CPLX3: variants seen among roughly 807,000 people sequenced by gnomAD.
CPLX3 encodes complexin 3, also known as complexin-3.
In CPLX3, 12 loss-of-function variants were observed where a neutral mutation model predicts 17.2. The observed-to-expected ratio is 0.70, with a 90% CI of 0.45 to 1.13. CPLX3 has a LOEUF of 1.13. Among genes scored for constraint, CPLX3 ranks in the 50% most tolerant of loss-of-function variants. CPLX3 has a pLI of 0.00. For missense variants in CPLX3, 172 were observed against 203.2 expected, an observed-to-expected ratio of 0.85 and a Z score of 0.93; for synonymous variants, 75 against 79.4, an observed-to-expected ratio of 0.94 and a Z score of 0.29.
intron 2 of CPLX3, 43 bp from the exon 3 acceptor site, chr15:74,830,087 G>A: frequency 2.6e-6 from 4 of 1,525,424 alleles, no homozygotes; most frequent in Non-Finnish European, 3.6e-6. Flanking sequence ...GGTCCTCACA[G>A]ACTTCCACTC....
In CPLX3 at chr15:74,826,647, C is replaced by G. The variant is rs2063944045; in HGVS notation, c.-57C>G. 6.4e-7 allele frequency: 1 copy of G among 1,569,184 alleles called. No individual in the cohort carries two copies. The highest frequency in any genetic ancestry group is 8.6e-7 in the Non-Finnish European group (1 of 1,157,744). ...AACCTAGTGCTGAAGTAGGCGCGGA[C>G]GTGCCCGGTGCCTGGCGCGTGGTAG... On this transcript the variant is annotated 5_prime_UTR_variant, in exon 1 of 3. Transcript: ENST00000395018. This position sits in a 1 kb window ranked among gnomAD's most constrained non-coding sequence, Gnocchi z 5.0.
Position 74,830,385 on chromosome 15 carries a change from G to A in CPLX3, c.*31G>A, listed in dbSNP as rs1567227573. 2 of 1,569,162 alleles carry A rather than the reference G, an allele frequency of 1.3e-6. No homozygotes were observed. The highest frequency in any genetic ancestry group is 1.8e-5 in the Admixed American group (1 of 56,792). ...TCCCCGGGGTTACCCACTGGGCTGG[G>A]CCCCCATGAGGGCTAAGAGTGTGTC... On this transcript the variant is annotated 3_prime_UTR_variant, in exon 3 of 3. Coordinates refer to ENST00000395018, the MANE Select transcript of CPLX3 (RefSeq NM_001030005.3).
Position 74,826,948 on chromosome 15 carries a change from A to C in CPLX3, c.164+81A>C. Reference sequence around the variant, plus strand: ...CTCAGTCCATCCCCGGGCCAGCCTCAGGTCCCAATCCCTTCTCCCCTACTT... The same window carrying C: ...CTCAGTCCATCCCCGGGCCAGCCTCCGGTCCCAATCCCTTCTCCCCTACTT... On this transcript the variant is annotated intron_variant, in intron 1 of 2. Transcript: ENST00000395018. The surrounding 1 kb of genome is among the most constrained non-coding windows in gnomAD (Gnocchi z 5.0). The C allele has an allele frequency of 7.7e-6, 10 of 1,301,498 alleles. No homozygotes were observed. The highest frequency in any genetic ancestry group is 1.5e-5 in the African/African-American group (1 of 65,332). 80.6% of individuals were successfully genotyped at this position (1,301,498 alleles called of 1,614,324 possible).
intron 2 of CPLX3, among the ~76,000 whole-genome samples, chr15:74,828,794 C>T (rs1596382555): frequency 1.3e-5 from 2 of 152,252 alleles, no homozygotes; most frequent in Middle Eastern, 6.8e-3. Flanking sequence ...CGTAGAGAGC[C>T]AAGTACCCCC....
rs1358052537 is a variant in CPLX3, at chr15:74,826,879, CCCT to C, written c.164+13_164+15del. On this transcript the variant is annotated intron_variant, in intron 1 of 2. Transcript: ENST00000395018. This position sits in a 1 kb window ranked among gnomAD's most constrained non-coding sequence, Gnocchi z 5.0. ...CTCGTGGAAGAGAAGTGAGTGGGAT[CCCT>C]TCCTGGCTCCAACGACCTCCCCTCC... 7 of 1,595,482 alleles carry C rather than the reference CCCT, an allele frequency of 4.4e-6. No homozygotes were observed. Among genetic ancestry groups the C allele is most frequent in the Non-Finnish European group, 6.0e-6 (7 of 1,171,222 alleles).
Position 74,826,695 on chromosome 15 carries a change from G to A in CPLX3, c.-9G>A. On this transcript the variant is annotated 5_prime_UTR_variant, in exon 1 of 3. Transcript: ENST00000395018. The surrounding 1 kb of genome is among the most constrained non-coding windows in gnomAD (Gnocchi z 5.0). ...TAGCAGGCGCCCGGTGCCCCGGCCG[G>A]CGAAGACCATGGCGTTCATGGTGAA... 6.2e-7 allele frequency: 1 copy of A among 1,603,436 alleles called. No individual in the cohort carries two copies. Among genetic ancestry groups the A allele is most frequent in the Non-Finnish European group, 8.5e-7 (1 of 1,175,596 alleles).
Position 74,826,640 on chromosome 15 carries a change from G to T in CPLX3, c.-64G>T. ...TCCGCGAAACCTAGTGCTGAAGTAGGCGCGGACGTGCCCGGTGCCTGGCGC... is the reference window on the plus strand; with the variant it reads ...TCCGCGAAACCTAGTGCTGAAGTAGTCGCGGACGTGCCCGGTGCCTGGCGC... On this transcript the variant is annotated 5_prime_UTR_variant, in exon 1 of 3. Coordinates refer to ENST00000395018, the MANE Select transcript of CPLX3 (RefSeq NM_001030005.3). This position sits in a 1 kb window ranked among gnomAD's most constrained non-coding sequence, Gnocchi z 5.0. The T allele has an allele frequency of 6.5e-7, 1 of 1,544,934 alleles. No individual in the cohort carries two copies. The highest frequency in any genetic ancestry group is 8.8e-7 in the Non-Finnish European group (1 of 1,142,716).
chr15:74,827,257 A>T (rs1238644451), intron 1 of CPLX3, among the ~76,000 whole-genome samples: 1 of 152,244 alleles, frequency 6.6e-6, no homozygotes, highest in Non-Finnish European at 1.5e-5. Context: ...AGCCGCTCAG[A>T]GTCGCGGAGA....
rs140289965 is a variant in CPLX3 at position 74,830,184 on chromosome 15, C to T, written c.307C>T (p.Arg103Trp). 32 of 1,613,744 alleles carry T rather than the reference C, an allele frequency of 2.0e-5. No homozygotes were observed. The highest frequency in any genetic ancestry group is 2.5e-5 in the Non-Finnish European group (30 of 1,180,002). The change falls in exon 3 of 3, where the codon CGG becomes TGG. Residue 103 changes from arginine to tryptophan, a missense_variant. Coordinates refer to ENST00000395018, the MANE Select transcript of CPLX3 (RefSeq NM_001030005.3). ...QMAGGDVELP[R>W]ELAKMIEEDT... ...GGCAGGTGGAGACGTGGAGCTGCCC[C>T]GGGAGCTGGCCAAGATGATCGAGGA...
intron 2 of CPLX3, among the ~76,000 whole-genome samples, chr15:74,828,848 GC>G (rs1174965967): frequency 7.2e-5 from 11 of 152,040 alleles, no homozygotes; most frequent in Non-Finnish European, 1.5e-4. Flanking sequence ...GGAGATCCCT[GC>G]CCCCACGCTC....
At position 74,830,426 on chromosome 15, in the gene CPLX3, A is replaced by C; in HGVS notation, c.*72A>C. ...AGAGTGTGTCAACTTCCAGGGACCC[A>C]TACTCCATTTGGGGCTTTGTTTCCC... On this transcript the variant is annotated 3_prime_UTR_variant, in exon 3 of 3. Coordinates refer to ENST00000395018, the MANE Select transcript of CPLX3 (RefSeq NM_001030005.3). 7.8e-7 allele frequency: 1 copy of C among 1,278,950 alleles called. No individual in the cohort carries two copies. The highest frequency in any genetic ancestry group is 1.1e-6 in the Non-Finnish European group (1 of 906,362). 79.2% of individuals were successfully genotyped at this position (1,278,950 alleles called of 1,614,324 possible).
At position 74,830,434 on chromosome 15, in the gene CPLX3, T is replaced by G; in HGVS notation, c.*80T>G. 8.5e-7 allele frequency: 1 copy of G among 1,178,234 alleles called. No individual in the cohort carries two copies. Among genetic ancestry groups the G allele is most frequent in the South Asian group, 1.4e-5 (1 of 71,370 alleles). 73.0% of individuals were successfully genotyped at this position (1,178,234 alleles called of 1,614,324 possible). A position where few individuals can be genotyped will look rare whatever the true frequency, so the allele number is the denominator to read the frequency against. On this transcript the variant is annotated 3_prime_UTR_variant, in exon 3 of 3. Coordinates refer to ENST00000395018, the MANE Select transcript of CPLX3 (RefSeq NM_001030005.3). ...TCAACTTCCAGGGACCCATACTCCA[T>G]TTGGGGCTTTGTTTCCCTTGCCCCA...
intron 1 of CPLX3, among the ~76,000 whole-genome samples, chr15:74,827,467 TA>T (rs1385041879): frequency 1.3e-5 from 2 of 152,260 alleles, no homozygotes; most frequent in Non-Finnish European, 2.9e-5. Context: ...ATGGTAATCA[TA>T]ATACATGCCT....
At chr15:74,828,010 A>C (rs2063951170) in intron 1 of CPLX3, 24 bp from the exon 2 acceptor site, 1 of 1,580,640 alleles carries the variant, frequency 6.3e-7, no homozygotes, top group Non-Finnish European at 8.6e-7. Context: ...CCTCGTGGTG[A>C]CTCTGCCTCC....
chr15:74,829,641 A>G (rs1338910006), intron 2 of CPLX3, among the ~76,000 whole-genome samples: 1 of 152,194 alleles, frequency 6.6e-6, no homozygotes, highest in Non-Finnish European at 1.5e-5. Flanking sequence ...GGTACCCATC[A>G]CTATTTTTGG....
At chr15:74,829,432 T>C (rs1395954436) in intron 2 of CPLX3, among the ~76,000 whole-genome samples, 1 of 152,220 alleles carries the variant, frequency 6.6e-6, no homozygotes, top group Non-Finnish European at 1.5e-5. Flanking sequence ...TGATCTTGGA[T>C]AATTTAAGTT....
chr15:74,829,484 T>C (rs1040386012), intron 2 of CPLX3, among the ~76,000 whole-genome samples: 2 of 152,196 alleles, frequency 1.3e-5, no homozygotes, highest in African/African-American at 4.8e-5. Context: ...AAATTTAAAG[T>C]AAGTTACTTA....
chr15:74,830,065 C>A, intron 2 of CPLX3, 65 bp from the exon 3 acceptor site: 1 of 1,267,678 alleles, frequency 7.9e-7, no homozygotes, highest in Non-Finnish European at 1.1e-6. Flanking sequence ...CCTCCCTGTC[C>A]TCTCAACTCT....
chr15:74,829,262 G>C (rs898621300), intron 2 of CPLX3, among the ~76,000 whole-genome samples: 1 of 152,112 alleles, frequency 6.6e-6, no homozygotes, highest in Non-Finnish European at 1.5e-5. Context: ...AGTCAGAGTT[G>C]AGCAGAAGAG....
Sources: gnomAD v4.1 joint callset for allele counts (sites outside exome capture counted in the v4.1 genomes callset) on GRCh38, gnomAD v4.1.1 for gene constraint, Gnocchi (gnomAD v3.1) non-coding constraint, MANE v1.5 for transcripts, NCBI Gene and HGNC (gene_info 2026-07-23, HGNC 2026-07-21) for gene names.